The following RORB variants were observed in gnomAD, a reference collection of about 807,000 sequenced individuals.
The protein encoded by RORB is nuclear receptor ROR-beta.
Under a neutral mutation model 59.1 loss-of-function variants are expected in RORB, and 6 were observed. The ratio of observed to expected loss-of-function variants is 0.10; its 90% CI spans 0.06 to 0.20. The LOEUF (loss-of-function observed/expected upper bound fraction) is 0.20. Ranked by LOEUF, RORB falls within the 10% of genes least tolerant of loss-of-function variation. RORB has a pLI of 1.00. For synonymous variants in RORB, 215 were observed against 204.5 expected (o/e 1.05, Z -0.44); for missense variants, 320 against 560.5 (o/e 0.57, Z 4.33).
intron 1 of RORB, among the ~76,000 whole-genome samples, chr9:74,546,938 C>CA (rs1826506494): frequency 6.6e-6 from 1 of 151,892 alleles, no homozygotes; most frequent in East Asian, 1.9e-4. Context: ...ACTAAAAATA[C>CA]AAAAAATTAG....
In RORB at chr9:74,692,245, C is replaced by G. The variant is rs1008297070; in HGVS notation, c.*6627C>G. 2 of 152,110 alleles carry G rather than the reference C, an allele frequency of 1.3e-5. No homozygotes were observed. Among genetic ancestry groups the G allele is most frequent in the Admixed American group, 1.3e-4 (2 of 15,268 alleles). The allele number at this position is 152,110 out of a possible 1,614,324, so 9.4% of individuals were successfully genotyped here. A position where few individuals can be genotyped will look rare whatever the true frequency, so the allele number is the denominator to read the frequency against. ...TGAGCTATAGCAACACAGGCAGGAG[C>G]AAGTTGTTGAAACTGATGCTTTTCC... On this transcript the variant is annotated 3_prime_UTR_variant, in exon 10 of 10. Transcript: ENST00000376896.
chr9:74,526,996 G>A (rs1826163938), intron 1 of RORB, among the ~76,000 whole-genome samples: 1 of 151,866 alleles, frequency 6.6e-6, no homozygotes, highest in African/African-American at 2.4e-5. Flanking sequence ...ATTCCATCAA[G>A]TGCCAATATT....
At position 74,642,764 on chromosome 9, in the gene RORB, A is replaced by G. The variant is rs769577584; in HGVS notation, c.586A>G (p.Ser196Gly). 1 of 1,612,558 alleles carries G rather than the reference A, an allele frequency of 6.2e-7. No homozygotes were observed. Among genetic ancestry groups the G allele is most frequent in the South Asian group, 1.1e-5 (1 of 90,970 alleles). Residue 196 changes from serine to glycine, a missense_variant, in exon 4 of 10, where the codon AGC (serine) becomes GGC (glycine). Transcript: ENST00000376896. ...ATCCGTACCCAACTTGTTTACCTAT[A>G]GCTCTTTCAACAATGGGCAGTTAGC... is the stretch of plus-strand genomic sequence containing the variant. ...LTSVPNLFTY[S>G]SFNNGQLAPG...
intron 4 of RORB, among the ~76,000 whole-genome samples, chr9:74,655,292 A>C (rs1753437093): frequency 1.3e-5 from 2 of 152,178 alleles, no homozygotes; most frequent in Admixed American, 6.5e-5. Flanking sequence ...GTTTGTGTGC[A>C]TCACCTTTGG....
At chr9:74,506,922 G>A (rs1312925120) in intron 1 of RORB, among the ~76,000 whole-genome samples, 1 of 151,910 alleles carries the variant, frequency 6.6e-6, no homozygotes, top group African/African-American at 2.4e-5. Flanking sequence ...ATTTTTTCTT[G>A]GAAATAGAAG....
intron 9 of RORB, among the ~76,000 whole-genome samples, chr9:74,683,988 A>G (rs1037404097): frequency 6.6e-6 from 1 of 152,178 alleles, no homozygotes; most frequent in Admixed American, 6.5e-5. Context: ...CTCAGTCTAA[A>G]ATTTAGCATC....
At chr9:74,639,671 T>C (rs929466454) in intron 3 of RORB, among the ~76,000 whole-genome samples, 1 of 152,174 alleles carries the variant, frequency 6.6e-6, no homozygotes, top group East Asian at 1.9e-4. Context: ...TCTTGATCTA[T>C]AGCAATGGAT....
intron 1 of RORB, among the ~76,000 whole-genome samples, chr9:74,582,575 G>A (rs1387523919): frequency 6.6e-6 from 1 of 152,118 alleles, no homozygotes; most frequent in African/African-American, 2.4e-5. Context: ...TAAAACACTA[G>A]GATTAGTTAC....
intron 1 of RORB, among the ~76,000 whole-genome samples, chr9:74,617,692 T>G (rs1823335878): frequency 6.6e-6 from 1 of 152,148 alleles, no homozygotes; most frequent in Admixed American, 6.6e-5. Flanking sequence ...CACCGGGCCT[T>G]TGTGACATTT....
intron 1 of RORB, among the ~76,000 whole-genome samples, chr9:74,559,014 C>A (rs1485861143): frequency 6.6e-6 from 1 of 152,090 alleles, no homozygotes; most frequent in Non-Finnish European, 1.5e-5. Context: ...GTGTAACTGA[C>A]CCATTTAATT....
chr9:74,647,663 T>C (rs1823922401), intron 4 of RORB, among the ~76,000 whole-genome samples: 1 of 152,160 alleles, frequency 6.6e-6, no homozygotes, highest in African/African-American at 2.4e-5. Context: ...TAAATATAAA[T>C]CTCTTTTTTA....
In RORB at chr9:74,660,625, G is replaced by A. The variant is rs1226980407; in HGVS notation, c.646G>A (p.Ala216Thr). ...GATATCTTTTCTCACAGACCGAATT[G>A]CACAGAACATCATTAAGTCCCATTT... ...GITMTEIDRI[A>T]QNIIKSHLET... The change falls in exon 5 of 10, where the codon GCA (alanine) becomes ACA (threonine). Residue 216 changes from alanine to threonine, a missense_variant. This residue lies in a region of RORB where 134 missense variants were observed against 156.2 expected (regional missense o/e 0.86). Transcript: ENST00000376896. 2 of 1,611,000 alleles carry A rather than the reference G, an allele frequency of 1.2e-6. No individual in the cohort carries two copies. The highest frequency in any genetic ancestry group is 1.3e-5 in the African/African-American group (1 of 74,754).
intron 2 of RORB, 83 bp downstream of exon 2, chr9:74,630,450 G>C (rs1353421386): frequency 1.0e-6 from 1 of 990,044 alleles, no homozygotes; most frequent in East Asian, 3.0e-5. Context: ...CGTTTTTAAG[G>C]AAGGCTGGCT....
intron 1 of RORB, among the ~76,000 whole-genome samples, chr9:74,510,364 G>A (rs1825920025): frequency 6.6e-6 from 1 of 152,192 alleles, no homozygotes; most frequent in Non-Finnish European, 1.5e-5. Context: ...TTCTTTGCTT[G>A]CTCCATTTTA....
intron 1 of RORB, among the ~76,000 whole-genome samples, chr9:74,545,046 A>G (rs1245004789): frequency 1.3e-5 from 2 of 151,642 alleles, no homozygotes; most frequent in African/African-American, 2.4e-5. Context: ...GAAAATTGCT[A>G]TGTACTACAG....
At chr9:74,625,812 G>A (rs1481358676) in intron 1 of RORB, among the ~76,000 whole-genome samples, 1 of 152,194 alleles carries the variant, frequency 6.6e-6, no homozygotes, top group African/African-American at 2.4e-5. Flanking sequence ...GAATGGCCAA[G>A]TTGAATTGTA....
intron 1 of RORB, among the ~76,000 whole-genome samples, chr9:74,560,450 T>C (rs1446661678): frequency 1.3e-5 from 2 of 152,028 alleles, no homozygotes; most frequent in African/African-American, 2.4e-5. Flanking sequence ...CATCTCCAAC[T>C]CTAAACCAGG....
chr9:74,614,172 T>C (rs550813933), intron 1 of RORB, among the ~76,000 whole-genome samples: 28 of 152,180 alleles, frequency 1.8e-4, no homozygotes, highest in South Asian at 2.1e-4. Context: ...GCTGAACTAA[T>C]TTACACTCCA....
chr9:74,686,616 C>G lies in RORB; in HGVS notation c.*998C>G, dbSNP rs1824651143. 1 of 152,192 alleles carries G rather than the reference C, an allele frequency of 6.6e-6. No homozygotes were observed. The highest frequency in any genetic ancestry group is 2.4e-5 in the African/African-American group (1 of 41,422). The allele number at this position is 152,192 out of a possible 1,614,324, so 9.4% of individuals were successfully genotyped here. A position where few individuals can be genotyped will look rare whatever the true frequency, so the allele number is the denominator to read the frequency against. ...TGTGTCTTCAACTGAAAAATACAAT[C>G]TGTGGATTATGACTACCAGCAATTT... is the stretch of plus-strand genomic sequence containing the variant. On this transcript the variant is annotated 3_prime_UTR_variant, in exon 10 of 10. Coordinates refer to ENST00000376896, the MANE Select transcript of RORB (RefSeq NM_006914.4).
Sources: gnomAD v4.1 joint callset for allele counts (sites outside exome capture counted in the v4.1 genomes callset) on GRCh38, gnomAD v4.1.1 for gene constraint, gnomAD v4.1.1 regional missense constraint, MANE v1.5 for transcripts, NCBI Gene and HGNC (gene_info 2026-07-23, HGNC 2026-07-21) for gene names.